Variants in MKLN1 observed in about 807,000 individuals in gnomAD.
The protein encoded by MKLN1 is muskelin.
Under a neutral mutation model 99.0 loss-of-function variants are expected in MKLN1, and 18 were observed. The observed-to-expected ratio is 0.18, with a 90% CI of 0.13 to 0.27. The LOEUF is 0.27. Among genes scored for constraint, MKLN1 ranks in the 10% least tolerant of loss-of-function variants. The pLI is 1.00. For synonymous variants in MKLN1, 288 were observed against 293.2 expected, an observed-to-expected ratio of 0.98 and a Z score of 0.18; for missense variants, 621 against 875.9, an observed-to-expected ratio of 0.71 and a Z score of 3.67.
chr7:131,481,993 C>T (rs1003809888), intron 17 of MKLN1, among the ~76,000 whole-genome samples: 1 of 152,022 alleles, frequency 6.6e-6, no homozygotes, highest in African/African-American at 2.4e-5. Flanking sequence ...TGAGTGATCT[C>T]GGAGAAAATC....
chr7:131,335,693 A>G (rs956935038), intron 1 of MKLN1, among the ~76,000 whole-genome samples: 4 of 107,200 alleles, frequency 3.7e-5, no homozygotes, highest in African/African-American at 1.4e-4. Context: ...TTTGACCTGT[A>G]GGTTTTTTTT....
In MKLN1 at chr7:131,437,797, G is replaced by A; in HGVS notation, c.973G>A (p.Ala325Thr). Residue 325 changes from alanine (A) to threonine (T), a missense_variant, in exon 10 of 18, where the codon GCC becomes ACC. Physicochemically the swap from Ala to Thr is moderately conservative, Grantham distance 58 (BLOSUM62 0). Around this residue, in one of 8 missense-constraint regions of MKLN1, gnomAD observed 361 missense variants for 540.8 expected, o/e 0.67. Transcript: ENST00000352689. ...RDTEKENGPS[A>T]RSCHKMCIDI... The stretch of plus-strand genomic sequence containing the variant: ...TCTCTCTCTACAGAATGGTCCTAGT[G>A]CCAGATCGTGTCATAAAATGTGCAT... 6.2e-7 allele frequency: 1 copy of A among 1,612,466 alleles called. No individual in the cohort carries two copies. Among genetic ancestry groups the A allele is most frequent in the African/African-American group, 1.3e-5 (1 of 74,848 alleles).
rs1403607615 is a variant in MKLN1 at position 131,275,555 on chromosome 7, ATATATATATATATTTTTTTTTTTT to A, written c.-179+72583_-179+72606del. Among the ~76,000 whole-genome samples, 11 of 16,794 alleles carry A rather than the reference ATATATATATATATTTTTTTTTTTT, an allele frequency of 6.5e-4. 2 individuals carry two copies. The highest frequency in any genetic ancestry group is 2.2e-3 in the African/African-American group (10 of 4,636). 11.0% of individuals were successfully genotyped at this position (16,794 alleles called of 152,430 possible). On this transcript the variant is annotated intron_variant, in intron 3 of 7. Transcript: ENST00000416992. The stretch of plus-strand genomic sequence containing the variant: ...AGCTGATATATATATATATATATAT[ATATATATATATATTTTTTTTTTTT>A]TTTTTTTTTTTTTGGTACTTTTTTG...
At chr7:131,464,554 T>A in intron 14 of MKLN1, 146 bp downstream of exon 14, 1 of 526,450 alleles carries the variant, frequency 1.9e-6, no homozygotes, top group Non-Finnish European at 3.4e-6. Flanking sequence ...ACACCCAATA[T>A]CACTTCTCCC....
At chr7:131,351,280 T>C (rs993629678) in intron 1 of MKLN1, among the ~76,000 whole-genome samples, 1 of 151,906 alleles carries the variant, frequency 6.6e-6, no homozygotes, top group Non-Finnish European at 1.5e-5. Flanking sequence ...AGAAGAGTCT[T>C]CCCATCCTCT....
chr7:131,371,478 C>A (rs1793450966), intron 1 of MKLN1, among the ~76,000 whole-genome samples: 1 of 152,138 alleles, frequency 6.6e-6, no homozygotes, highest in Non-Finnish European at 1.5e-5. Context: ...ACATTGACAT[C>A]TCTGAAGAGT....
At chr7:131,322,078 C>T (rs1160287368) in intron 3 of MKLN1, among the ~76,000 whole-genome samples, 4 of 152,242 alleles carry the variant, frequency 2.6e-5, no homozygotes, top group Admixed American at 2.6e-4. Flanking sequence ...AGGAATTGAA[C>T]TCAGGCTACA....
intron 1 of MKLN1, among the ~76,000 whole-genome samples, chr7:131,338,902 C>G (rs1584621468): frequency 6.6e-6 from 1 of 152,238 alleles, no homozygotes; most frequent in Non-Finnish European, 1.5e-5. Flanking sequence ...TCGATCCCTT[C>G]TCTTTCTCCT....
At chr7:131,270,672 G>C (rs1293642656) in intron 3 of MKLN1, among the ~76,000 whole-genome samples, 2 of 152,126 alleles carry the variant, frequency 1.3e-5, no homozygotes, top group African/African-American at 4.8e-5. Context: ...TAATTGTTGA[G>C]TACCTAATAT....
chr7:131,186,458 T>G (rs992325699), intron 2 of MKLN1, among the ~76,000 whole-genome samples: 4 of 152,122 alleles, frequency 2.6e-5, no homozygotes, highest in African/African-American at 9.7e-5. Context: ...CAGAGAACCA[T>G]GATCGTGCCA....
chr7:131,194,975 C>A (rs1796620079), intron 2 of MKLN1, among the ~76,000 whole-genome samples: 1 of 152,150 alleles, frequency 6.6e-6, no homozygotes, highest in Non-Finnish European at 1.5e-5. Context: ...TTCTGGTAAG[C>A]ATGTGACTGA....
At chr7:131,285,517 G>A (rs2096833320) in intron 3 of MKLN1, among the ~76,000 whole-genome samples, 2 of 152,254 alleles carry the variant, frequency 1.3e-5, no homozygotes, top group Non-Finnish European at 2.9e-5. Flanking sequence ...TGTCGTAATT[G>A]GACTTGCCGA....
chr7:131,342,285 G>T (rs754521661), intron 1 of MKLN1, among the ~76,000 whole-genome samples: 1 of 152,046 alleles, frequency 6.6e-6, no homozygotes, highest in Non-Finnish European at 1.5e-5. Flanking sequence ...ATTACTTTGA[G>T]AATTTTCTGT....
chr7:131,443,770 T>C, intron 11 of MKLN1, 68 bp downstream of exon 11: 1 of 1,167,362 alleles, frequency 8.6e-7, no homozygotes, highest in Non-Finnish European at 1.3e-6. Context: ...AAAGAAGTGG[T>C]GAAATCTAAT....
At chr7:131,300,706 A>G (rs1186548355) in intron 3 of MKLN1, among the ~76,000 whole-genome samples, 1 of 114,436 alleles carries the variant, frequency 8.7e-6, no homozygotes, top group Non-Finnish European at 2.0e-5. Context: ...AAAAACAACC[A>G]AAAAGAAAAA....
In MKLN1 at chr7:131,494,545, T is replaced by TA. The variant is rs916418173; in HGVS notation, c.*6820dup. 1.3e-5 allele frequency: 2 copies of TA among 152,162 alleles called. No homozygotes were observed. The highest frequency in any genetic ancestry group is 1.3e-4 in the Admixed American group (2 of 15,270). The allele number at this position is 152,162 out of a possible 1,614,324, so 9.4% of individuals were successfully genotyped here. On this transcript the variant is annotated 3_prime_UTR_variant, in exon 18 of 18. Coordinates refer to ENST00000352689, the MANE Select transcript of MKLN1 (RefSeq NM_013255.5). ...AGGAGTAGTCTTCCGTGGGGGAAGA[T>TA]AAATTTATTAAAGAGTCATGTACTG...
intron 3 of MKLN1, among the ~76,000 whole-genome samples, chr7:131,297,759 G>A (rs982370310): frequency 2.0e-5 from 3 of 152,112 alleles, no homozygotes; most frequent in Non-Finnish European, 4.4e-5. Flanking sequence ...CTGGAGATGC[G>A]AATATGCAAA....
chr7:131,213,775 G>A (rs76698692), intron 3 of MKLN1, among the ~76,000 whole-genome samples: 4,601 of 152,194 alleles, frequency 0.03, 202 homozygotes, highest in East Asian at 0.16. Context: ...TAAAAATTTT[G>A]CCAATTTATA....
intron 3 of MKLN1, among the ~76,000 whole-genome samples, chr7:131,266,937 C>T (rs989206769): frequency 2.0e-5 from 3 of 151,820 alleles, no homozygotes; most frequent in African/African-American, 7.3e-5. Flanking sequence ...TTAGTTTAAG[C>T]CCCTTGAAAA....
Sources: gnomAD v4.1 joint callset for allele counts (sites outside exome capture counted in the v4.1 genomes callset) on GRCh38, gnomAD v4.1.1 for gene constraint, gnomAD v4.1.1 regional missense constraint, MANE v1.5 for transcripts, NCBI Gene and HGNC (gene_info 2026-07-23, HGNC 2026-07-21) for gene names.